The following STK32B variants were observed in gnomAD, a reference collection of about 807,000 sequenced individuals.
STK32B encodes the protein serine/threonine kinase 32B.
In STK32B, 43 loss-of-function variants were observed where a neutral mutation model predicts 52.6. The ratio of observed to expected loss-of-function variants is 0.82; its 90% CI spans 0.64 to 1.05. The LOEUF is 1.05. STK32B is among the 50% of genes least tolerant of loss of function. The probability of loss-of-function intolerance (pLI) is 0.00; values close to 1 mark genes in which losing one functional copy is unlikely to be tolerated. For missense variants in STK32B, 621 were observed against 534.6 expected (o/e 1.16, Z -1.59); for synonymous variants, 238 against 204.3 (o/e 1.17, Z -1.41).
chr4:5,298,378 C>G (rs937304913), intron 3 of STK32B, among the ~76,000 whole-genome samples: 3 of 152,118 alleles, frequency 2.0e-5, no homozygotes, highest in African/African-American at 4.8e-5. Flanking sequence ...GCTGAAGTTG[C>G]GCCCATAGCC....
the STK32B span, among the ~76,000 whole-genome samples, chr4:5,020,761 C>A: frequency 6.6e-6 from 1 of 152,160 alleles, no homozygotes; most frequent in East Asian, 1.9e-4. Flanking sequence ...TCTTCCTTAA[C>A]ACTGAACATG....
chr4:5,301,805 T>C (rs1729578033), intron 3 of STK32B, among the ~76,000 whole-genome samples: 1 of 149,328 alleles, frequency 6.7e-6, no homozygotes, highest in South Asian at 2.1e-4. Flanking sequence ...GAAAATGCTC[T>C]AATCTTTGTC....
chr4:5,082,182 A>C (rs147777392), intron 1 of STK32B, among the ~76,000 whole-genome samples: 1 of 152,000 alleles, frequency 6.6e-6, no homozygotes, highest in Non-Finnish European at 1.5e-5. Context: ...GATTCAGGCC[A>C]GGTACTGAGA....
chr4:5,412,905 G>A (rs1328322622), intron 5 of STK32B, among the ~76,000 whole-genome samples: 1 of 152,034 alleles, frequency 6.6e-6, no homozygotes, highest in Non-Finnish European at 1.5e-5. Flanking sequence ...TTGGAGTAAA[G>A]CCACCATCCT....
At chr4:5,271,311 AT>A (rs1432498735) in intron 3 of STK32B, among the ~76,000 whole-genome samples, 1 of 152,162 alleles carries the variant, frequency 6.6e-6, no homozygotes, top group African/African-American at 2.4e-5. Context: ...ATGTAAAAAA[AT>A]TAACCTGTAC....
chr4:5,406,506 C>T (rs1408336961), intron 5 of STK32B, among the ~76,000 whole-genome samples: 1 of 152,164 alleles, frequency 6.6e-6, no homozygotes, highest in African/African-American at 2.4e-5. Flanking sequence ...GAGGGCCCCA[C>T]CCCTGCAGCA....
chr4:5,334,872 G>A lies in STK32B; in HGVS notation c.434+3479G>A, dbSNP rs555659263. 5.0e-3 allele frequency among the ~76,000 whole-genome samples: 740 copies of A among 148,752 alleles called. 5 individuals carry two copies. The highest frequency in any genetic ancestry group is 0.017 in the African/African-American group (647 of 39,016). On this transcript the variant is annotated intron_variant, in intron 4 of 11. Coordinates refer to ENST00000282908, the MANE Select transcript of STK32B (RefSeq NM_018401.3). ...AGCTTTTTGATGTGCTGCTGGATTC[G>A]GTTTGCCAGTATTTTATTGAGGATT...
At chr4:5,105,806 A>T (rs867762690) in intron 1 of STK32B, among the ~76,000 whole-genome samples, 2 of 151,152 alleles carry the variant, frequency 1.3e-5, no homozygotes, top group African/African-American at 2.4e-5. Context: ...CTAGTGATCC[A>T]CCCGCCTCGG....
chr4:5,497,043 G>C (rs1000357613), intron 11 of STK32B, among the ~76,000 whole-genome samples: 1 of 152,100 alleles, frequency 6.6e-6, no homozygotes, highest in Admixed American at 6.5e-5. Context: ...CAGTCTTTGA[G>C]TTTTCAACAA....
intron 3 of STK32B, among the ~76,000 whole-genome samples, chr4:5,235,129 T>G (rs1427499342): frequency 6.6e-6 from 1 of 152,238 alleles, no homozygotes; most frequent in East Asian, 1.9e-4. Context: ...AGATTCATCC[T>G]TTACTAATGG....
intron 3 of STK32B, among the ~76,000 whole-genome samples, chr4:5,327,147 T>C (rs1262784057): frequency 1.3e-5 from 2 of 152,030 alleles, no homozygotes; most frequent in African/African-American, 4.8e-5. Flanking sequence ...GTTCCACTTC[T>C]GATTCTAGTA....
At chr4:5,188,385 A>C (rs947827131) in intron 3 of STK32B, among the ~76,000 whole-genome samples, 2 of 152,160 alleles carry the variant, frequency 1.3e-5, no homozygotes, top group African/African-American at 2.4e-5. Flanking sequence ...CTTGATCCTC[A>C]AGTGTTTGAA....
intron 1 of STK32B, among the ~76,000 whole-genome samples, chr4:5,081,240 A>T (rs1009375650): frequency 2.6e-5 from 4 of 152,196 alleles, no homozygotes; most frequent in Non-Finnish European, 1.5e-5. Context: ...CAGACACATA[A>T]GTTGGAGTTC....
chr4:5,209,658 T>C (rs1245799799), intron 3 of STK32B, among the ~76,000 whole-genome samples: 1 of 152,140 alleles, frequency 6.6e-6, no homozygotes, highest in African/African-American at 2.4e-5. Context: ...ATAATGATGA[T>C]GTTAGAATCC....
At chr4:5,264,712 A>G (rs7687761) in intron 3 of STK32B, among the ~76,000 whole-genome samples, 25,445 of 151,906 alleles carry the variant, frequency 0.17, 4,132 homozygotes, top group African/African-American at 0.42. Flanking sequence ...GCGTGAACCC[A>G]GGAGGCGGAG....
intron 1 of STK32B, among the ~76,000 whole-genome samples, chr4:5,102,436 G>GCTTCCTTCCTTCCTTCCTTCCTTCCTTC (rs201942952): frequency 9.5e-6 from 1 of 105,154 alleles, no homozygotes; most frequent in Non-Finnish European, 1.9e-5. Flanking sequence ...CTCCTTCCTT[G>GCTTCCTTCCTTCCTTCCTTCCTTCCTTC]CTTCCTTCCT....
chr4:5,425,577 G>A (rs1250281982), intron 6 of STK32B, among the ~76,000 whole-genome samples: 1 of 149,268 alleles, frequency 6.7e-6, no homozygotes, highest in Non-Finnish European at 1.5e-5. Flanking sequence ...TACCCTCATT[G>A]GTTTGGCTGT....
At chr4:5,459,287 C>G (rs948451200) in intron 8 of STK32B, among the ~76,000 whole-genome samples, 1 of 63,534 alleles carries the variant, frequency 1.6e-5, no homozygotes, top group African/African-American at 5.1e-5. Flanking sequence ...GGTGTGCCCC[C>G]CCCCCCCACC....
intron 3 of STK32B, among the ~76,000 whole-genome samples, chr4:5,327,192 C>T (rs1731936262): frequency 6.6e-6 from 1 of 151,826 alleles, no homozygotes; most frequent in Non-Finnish European, 1.5e-5. Flanking sequence ...CAGTTCCTTC[C>T]TCCACTGAAG....
Sources: allele counts gnomAD v4.1 joint callset (sites outside exome capture counted in the v4.1 genomes callset), GRCh38; gene constraint gnomAD v4.1.1; transcripts MANE v1.5; gene names NCBI Gene and HGNC (gene_info 2026-07-23, HGNC 2026-07-21).